Variants in CNTN4 observed in about 807,000 individuals in gnomAD.
The protein encoded by CNTN4 is contactin-4.
A neutral mutation model predicts 122.5 loss-of-function variants in CNTN4; 77 were observed. That is an observed-to-expected ratio of 0.63 (90% CI 0.52 to 0.76). CNTN4 has a LOEUF of 0.76. Ranked by LOEUF, CNTN4 falls within the 30% of genes least tolerant of loss-of-function variation. CNTN4 has a pLI of 0.00. For synonymous variants in CNTN4, 512 were observed against 447.0 expected, an observed-to-expected ratio of 1.15 and a Z score of -1.83; for missense variants, 1,256 against 1,259.1, an observed-to-expected ratio of 1.00 and a Z score of 0.04.
intron 24 of CNTN4, among the ~76,000 whole-genome samples, chr3:3,055,824 C>T (rs551048123): frequency 2.6e-5 from 4 of 152,258 alleles, no homozygotes; most frequent in African/African-American, 2.4e-5. Flanking sequence ...GTTGAATCAT[C>T]GACATAGCAT....
chr3:2,170,209 A>T lies in CNTN4; in HGVS notation c.-145+69570A>T, dbSNP rs547644884. ...GGTGGCGGCGCCTGTAGTCCCAGCT[A>T]CTCGGGAGGCTGAGGCGGGAGAATG... On this transcript the variant is annotated intron_variant, in intron 2 of 24. Transcript: ENST00000418658. 2.8e-4 allele frequency among the ~76,000 whole-genome samples: 43 copies of T among 151,726 alleles called. No homozygotes were observed. The South Asian group carries it at 4.4e-3, about 15-fold the overall frequency.
At chr3:2,365,604 C>T (rs1559489619) in intron 3 of CNTN4, among the ~76,000 whole-genome samples, 1 of 152,192 alleles carries the variant, frequency 6.6e-6, no homozygotes, top group African/African-American at 2.4e-5. Context: ...TTACGTTCTG[C>T]TGGTGATGCT....
chr3:2,176,353 C>G (rs2036748241), intron 2 of CNTN4, among the ~76,000 whole-genome samples: 1 of 152,016 alleles, frequency 6.6e-6, no homozygotes, highest in African/African-American at 2.4e-5. Flanking sequence ...AATATATATA[C>G]CACTTAGTGA....
intron 4 of CNTN4, among the ~76,000 whole-genome samples, chr3:2,663,186 T>C (rs1230371022): frequency 6.6e-6 from 1 of 152,208 alleles, no homozygotes; most frequent in Non-Finnish European, 1.5e-5. Context: ...TATTTTACTT[T>C]TTCAATGATG....
At chr3:2,362,617 C>G in intron 3 of CNTN4, 1 of 483,214 alleles carries the variant, frequency 2.1e-6, no homozygotes, top group Non-Finnish European at 4.1e-6. Flanking sequence ...AAGAAGATAG[C>G]AAGGGCTGAG....
chr3:3,034,862 C>A, intron 17 of CNTN4, 72 bp downstream of exon 17: 1 of 1,494,326 alleles, frequency 6.7e-7, no homozygotes, highest in Non-Finnish European at 9.3e-7. Flanking sequence ...TGGCAAGGAA[C>A]GTCTAAGTTC....
At chr3:2,797,362 G>A (rs530331736) in intron 6 of CNTN4, among the ~76,000 whole-genome samples, 1 of 152,290 alleles carries the variant, frequency 6.6e-6, no homozygotes, top group South Asian at 2.1e-4. Flanking sequence ...ACTTTGGGAG[G>A]CCAAGTCAGG....
chr3:2,253,609 C>G (rs1443651074), intron 2 of CNTN4, among the ~76,000 whole-genome samples: 2 of 151,710 alleles, frequency 1.3e-5, no homozygotes, highest in African/African-American at 4.8e-5. Context: ...TTATTGGAAT[C>G]AGTTAGGTCA....
At chr3:2,864,968 C>T (rs990828577) in intron 7 of CNTN4, among the ~76,000 whole-genome samples, 2 of 152,036 alleles carry the variant, frequency 1.3e-5, no homozygotes, top group African/African-American at 4.8e-5. Flanking sequence ...TTGAAACTCA[C>T]CTGTTGAGTA....
chr3:2,502,217 G>T (rs1044753941), intron 3 of CNTN4, among the ~76,000 whole-genome samples: 3 of 152,026 alleles, frequency 2.0e-5, no homozygotes, highest in Non-Finnish European at 4.4e-5. Flanking sequence ...TAGCCTCCAA[G>T]GCCTCCTTTC....
Position 2,803,138 on chromosome 3 carries a change from CT to C in CNTN4, c.359-16347del, listed in dbSNP as rs142543114. ...TATATAACTGGGTAAATGATATGAA[CT>C]GGCATTTTCAGAATGATTAAATGTG... is the stretch of plus-strand genomic sequence containing the variant. On this transcript the variant is annotated intron_variant, in intron 6 of 24. Coordinates refer to ENST00000418658, the MANE Select transcript of CNTN4 (RefSeq NM_175607.3). 5.1e-3 allele frequency among the ~76,000 whole-genome samples: 779 copies of C among 152,264 alleles called. 9 individuals are homozygous for C. Among genetic ancestry groups the C allele is most frequent in the African/African-American group, 0.018 (743 of 41,560 alleles).
At chr3:2,495,130 C>T (rs565561120) in intron 3 of CNTN4, among the ~76,000 whole-genome samples, 255 of 152,166 alleles carry the variant, frequency 1.7e-3, no homozygotes, top group Middle Eastern at 6.8e-3. Flanking sequence ...TTTGAAATGC[C>T]GCCTTCAACA....
At chr3:2,546,506 G>C (rs2078251680) in intron 3 of CNTN4, among the ~76,000 whole-genome samples, 1 of 152,010 alleles carries the variant, frequency 6.6e-6, no homozygotes, top group Admixed American at 6.6e-5. Context: ...AGGGTGGCGA[G>C]TGTGACGAGG....
At chr3:2,570,639 T>A (rs2079382186) in intron 3 of CNTN4, among the ~76,000 whole-genome samples, 1 of 152,194 alleles carries the variant, frequency 6.6e-6, no homozygotes, top group Non-Finnish European at 1.5e-5. Context: ...CCTGTTCCCT[T>A]AAGCAAGGAC....
intron 3 of CNTN4, among the ~76,000 whole-genome samples, chr3:2,552,752 C>G (rs988027614): frequency 6.6e-6 from 1 of 151,990 alleles, no homozygotes; most frequent in Non-Finnish European, 1.5e-5. Flanking sequence ...GCTATGCAGG[C>G]AGTATAATAT....
At chr3:2,828,260 G>T (rs6804610) in intron 7 of CNTN4, among the ~76,000 whole-genome samples, 43,950 of 151,970 alleles carry the variant, frequency 0.29, 6,705 homozygotes, top group East Asian at 0.49. Context: ...ACCACTGAGA[G>T]AGCTGCATTT....
rs564184183 is a variant in CNTN4, at chr3:2,865,078, G to A, written c.455-1674G>A. Among the ~76,000 whole-genome samples, 4 of 152,192 alleles carry A rather than the reference G, an allele frequency of 2.6e-5. No homozygotes were observed. In the South Asian group the frequency reaches 8.3e-4, roughly 32 times the overall value. ...GGGGCTTTTCCTCCCCCAGATTTTA[G>A]TTTCTTGAGGAAGCTTTCTGGAAAG... On this transcript the variant is annotated intron_variant, in intron 7 of 24. Transcript: ENST00000418658.
rs1353975859 is a variant in CNTN4, at chr3:2,296,804, CAA to C, written c.-144-42369_-144-42368del. Among the ~76,000 whole-genome samples the C allele has an allele frequency of 1.0e-4, 7 of 70,278 alleles. No homozygotes were observed. In the East Asian group the frequency reaches 6.2e-3, roughly 62 times the overall value. The allele number at this position is 70,278 out of a possible 152,430, so 46.1% of individuals were successfully genotyped here. ...CCTTTGCTCTGAAAAAAAAAAACAA[CAA>C]AAAACTATAATTCCAATGAGGTAGA... On this transcript the variant is annotated intron_variant, in intron 2 of 24. Coordinates refer to ENST00000418658, the MANE Select transcript of CNTN4 (RefSeq NM_175607.3).
chr3:2,357,982 C>G (rs1349262578), intron 3 of CNTN4, among the ~76,000 whole-genome samples: 1 of 152,138 alleles, frequency 6.6e-6, no homozygotes, highest in Non-Finnish European at 1.5e-5. Flanking sequence ...TATGTGAATT[C>G]TACACTTATC....
Sources: gnomAD v4.1 joint callset for allele counts (sites outside exome capture counted in the v4.1 genomes callset) on GRCh38, gnomAD v4.1.1 for gene constraint, MANE v1.5 for transcripts, NCBI Gene and HGNC (gene_info 2026-07-23, HGNC 2026-07-21) for gene names.